The following KIF6 variants were observed in gnomAD, a reference collection of about 807,000 sequenced individuals.
KIF6 encodes kinesin family member 6.
In KIF6, 106 loss-of-function variants were observed where a neutral mutation model predicts 112.7. That is an observed-to-expected ratio of 0.94 (90% confidence interval 0.80 to 1.11). The LOEUF is 1.11. KIF6 is among the 50% of genes least tolerant of loss of function. The pLI, the probability that KIF6 is intolerant of heterozygous loss-of-function variation, is 0.00. For missense variants in KIF6, 929 were observed against 964.0 expected, an observed-to-expected ratio of 0.96 and a Z score of 0.48; for synonymous variants, 339 against 339.9, an observed-to-expected ratio of 1.00 and a Z score of 0.03.
intron 15 of KIF6, among the ~76,000 whole-genome samples, chr6:39,414,444 G>A (rs1381303959): frequency 6.6e-6 from 1 of 152,106 alleles, no homozygotes; most frequent in African/African-American, 2.4e-5. Flanking sequence ...ATCCTACCAC[G>A]GCTGCTGCAA....
intron 3 of KIF6, among the ~76,000 whole-genome samples, chr6:39,676,119 C>T (rs1436244811): frequency 6.7e-6 from 1 of 149,846 alleles, no homozygotes; most frequent in African/African-American, 2.4e-5. Context: ...CATGAATCCT[C>T]AGATTTAGGA....
chr6:39,585,562 C>A (rs563428773), intron 8 of KIF6, among the ~76,000 whole-genome samples: 1 of 152,156 alleles, frequency 6.6e-6, no homozygotes, highest in African/African-American at 2.4e-5. Flanking sequence ...TCACAAGGTC[C>A]TAAGTGGCAG....
chr6:39,547,238 G>A (rs1427328537), intron 10 of KIF6, among the ~76,000 whole-genome samples: 1 of 151,992 alleles, frequency 6.6e-6, no homozygotes, highest in African/African-American at 2.4e-5. Context: ...GAACAGCCTT[G>A]GATTTCATTT....
At position 39,634,943 on chromosome 6, in the gene KIF6, A is replaced by C; in HGVS notation, c.415T>G (p.Tyr139Asp). The C allele has an allele frequency of 6.2e-7, 1 of 1,603,810 alleles. No homozygotes were observed. Residue 139 changes from tyrosine (Y) to aspartate (D), a missense_variant, in exon 5 of 23, where the codon TAT (tyrosine) becomes GAT (aspartate). By Grantham distance (160) the Tyr-to-Asp change is radical. Around this residue, in one of 2 missense-constraint regions of KIF6, gnomAD observed 688 missense variants for 662.7 expected, o/e 1.04. Transcript: ENST00000287152. ...TCCAAATAGGAAATGTGTGTTGTAT[A>C]TATTTTGCTGCTGTCCTGATTGGAA... ...EQLQKDSSKIYTTHISYLEIY... is the reference protein window; with the variant it reads ...EQLQKDSSKIDTTHISYLEIY...
chr6:39,703,977 G>C (rs1301421266), intron 3 of KIF6, among the ~76,000 whole-genome samples: 1 of 152,070 alleles, frequency 6.6e-6, no homozygotes, highest in African/African-American at 2.4e-5. Flanking sequence ...AATATCTTTG[G>C]TTTATTTGTA....
intron 19 of KIF6, among the ~76,000 whole-genome samples, chr6:39,351,774 G>A (rs1476564293): frequency 6.6e-6 from 1 of 152,196 alleles, no homozygotes; most frequent in Non-Finnish European, 1.5e-5. Flanking sequence ...ATAGCCAGGG[G>A]TTCTGAGCCT....
intron 13 of KIF6, among the ~76,000 whole-genome samples, chr6:39,495,691 G>A (rs953721529): frequency 3.9e-5 from 6 of 152,206 alleles, no homozygotes; most frequent in Admixed American, 1.3e-4. Context: ...ATTTCCTTTC[G>A]GTCAATCTAT....
intron 10 of KIF6, among the ~76,000 whole-genome samples, chr6:39,557,697 C>A (rs1210118215): frequency 6.6e-6 from 1 of 151,870 alleles, no homozygotes; most frequent in Non-Finnish European, 1.5e-5. Context: ...GTCCACAAAT[C>A]CTCAGAAGTC....
chr6:39,431,158 A>C lies in KIF6; in HGVS notation c.1649T>G (p.Met550Arg). 6.3e-7 allele frequency: 1 copy of C among 1,588,216 alleles called. No individual in the cohort carries two copies. Among genetic ancestry groups the C allele is most frequent in the Non-Finnish European group, 8.6e-7 (1 of 1,156,586 alleles). Residue 550 changes from methionine to arginine, a missense_variant, in exon 14 of 23, where the codon ATG becomes AGG. Transcript: ENST00000287152. ...RSSLLHKKIG[M>R]REEMSLGCQE... ...GCATCCTAATGACATTTCCTCTCTCATTCCTGTTTGGAGACACAGGGAAAT... is the reference window on the plus strand; with the variant it reads ...GCATCCTAATGACATTTCCTCTCTCCTTCCTGTTTGGAGACACAGGGAAAT...
intron 3 of KIF6, among the ~76,000 whole-genome samples, chr6:39,697,357 G>T (rs922889913): frequency 6.6e-6 from 1 of 152,032 alleles, no homozygotes; most frequent in African/African-American, 2.4e-5. Flanking sequence ...TAAGGGTCGT[G>T]GTTCATAAGC....
In KIF6 at chr6:39,449,220, C is replaced by T. The variant is rs143105820; in HGVS notation, c.1646-18059G>A. Among the ~76,000 whole-genome samples the T allele has an allele frequency of 3.9e-3, 592 of 152,190 alleles. 4 individuals are homozygous for T. Among genetic ancestry groups the T allele is most frequent in the Middle Eastern group, 0.014 (4 of 294 alleles). Reference sequence around the variant, plus strand: ...AAATGATCTTTTAAGAATATGATTACGTCACTCTCTGCTTTAAACTCTCCT... The same window carrying T: ...AAATGATCTTTTAAGAATATGATTATGTCACTCTCTGCTTTAAACTCTCCT... On this transcript the variant is annotated intron_variant, in intron 13 of 22. Transcript: ENST00000287152.
chr6:39,444,267 C>T (rs540074646), intron 13 of KIF6, among the ~76,000 whole-genome samples: 77 of 152,096 alleles, frequency 5.1e-4, no homozygotes, highest in Middle Eastern at 6.8e-3. Flanking sequence ...GGAAATGGAA[C>T]CTTTATTTCT....
At position 39,540,155 on chromosome 6, in the gene KIF6, A is replaced by G. The variant is rs753707315; in HGVS notation, c.1493T>C (p.Met498Thr). 6.2e-6 allele frequency: 10 copies of G among 1,614,006 alleles called. No individual in the cohort carries two copies. In the Admixed American group the frequency reaches 1.5e-4, roughly 24 times the overall value. The change falls in exon 13 of 23, where the codon ATG becomes ACG. Residue 498 changes from methionine to threonine, a missense_variant. Physicochemically the swap from Met to Thr is moderately conservative, Grantham distance 81. This residue lies in a region of KIF6 where 688 missense variants were observed against 662.7 expected (regional missense o/e 1.04). Coordinates refer to ENST00000287152, the MANE Select transcript of KIF6 (RefSeq NM_145027.6). ...KAQEALHLAG[M>T]DRREFRQSQS... ...GGACTGTCTGAATTCACGTCTATCC[A>G]TGCCAGCCAAGTGGAGAGCCTCCTG...
intron 13 of KIF6, among the ~76,000 whole-genome samples, chr6:39,454,460 A>G (rs1393772656): frequency 6.6e-6 from 1 of 151,934 alleles, no homozygotes; most frequent in Non-Finnish European, 1.5e-5. Flanking sequence ...ATCCAGGAGC[A>G]CAATAAATCC....
At chr6:39,520,226 A>G (rs958224158) in intron 13 of KIF6, among the ~76,000 whole-genome samples, 2 of 152,212 alleles carry the variant, frequency 1.3e-5, no homozygotes, top group African/African-American at 2.4e-5. Context: ...TTCCAAGTTC[A>G]ATTTGAATTT....
At chr6:39,703,557 A>C (rs1214592176) in intron 3 of KIF6, among the ~76,000 whole-genome samples, 1 of 152,186 alleles carries the variant, frequency 6.6e-6, no homozygotes, top group Non-Finnish European at 1.5e-5. Context: ...ATTAATAAGT[A>C]AATTTGTTCC....
rs1004617025 is a variant in KIF6, at chr6:39,343,868, C to T, written c.2322-53G>A. The T allele has an allele frequency of 9.5e-7, 1 of 1,053,490 alleles. No homozygotes were observed. The highest frequency in any genetic ancestry group is 1.4e-6 in the Non-Finnish European group (1 of 713,850). 65.3% of individuals were successfully genotyped at this position (1,053,490 alleles called of 1,614,324 possible). ...CTACACTTTACAACTGGACTCACCA[C>T]TTATATTTCCAAAATGCTTTTCCAT... On this transcript the variant is annotated intron_variant, in intron 21 of 22. Transcript: ENST00000287152. The surrounding 1 kb of genome is among the most constrained non-coding windows in gnomAD (Gnocchi z 4.1).
At chr6:39,584,380 T>G (rs1301314755) in intron 9 of KIF6, among the ~76,000 whole-genome samples, 1 of 115,944 alleles carries the variant, frequency 8.6e-6, no homozygotes, top group Non-Finnish European at 1.6e-5. Flanking sequence ...ATTGCACCAC[T>G]GCACTCCACA....
intron 14 of KIF6, among the ~76,000 whole-genome samples, chr6:39,423,411 C>T (rs1243387647): frequency 6.6e-6 from 1 of 152,062 alleles, no homozygotes; most frequent in Non-Finnish European, 1.5e-5. Context: ...ATGTGTTCTG[C>T]AGCCTGTTCC....
Sources: gnomAD v4.1 joint callset for allele counts (sites outside exome capture counted in the v4.1 genomes callset) on GRCh38, gnomAD v4.1.1 for gene constraint, gnomAD v4.1.1 regional missense constraint, Gnocchi (gnomAD v3.1) non-coding constraint, MANE v1.5 for transcripts, NCBI Gene and HGNC (gene_info 2026-07-23, HGNC 2026-07-21) for gene names.